Variants in KHDRBS2 observed in about 807,000 individuals in gnomAD.
The protein encoded by KHDRBS2 is KH domain-containing, RNA-binding, signal transduction-associated protein 2.
In KHDRBS2, 26 loss-of-function variants were observed where a neutral mutation model predicts 44.3. That is an observed-to-expected ratio of 0.59 (90% CI 0.43 to 0.81). The LOEUF (loss-of-function observed/expected upper bound fraction) is 0.81, where lower values mean the gene tolerates loss of function less well. Among genes scored for constraint, KHDRBS2 ranks in the 40% least tolerant of loss-of-function variants. The pLI is 0.00. For missense variants in KHDRBS2, 476 were observed against 433.1 expected (o/e 1.10, Z -0.88); for synonymous variants, 194 against 151.1 (o/e 1.28, Z -2.08).
At chr6:61,844,011 G>A (rs1461170582) in intron 6 of KHDRBS2, among the ~76,000 whole-genome samples, 1 of 152,130 alleles carries the variant, frequency 6.6e-6, no homozygotes, top group Admixed American at 6.5e-5. Flanking sequence ...ATTCACATAG[G>A]TTTAAAATCT....
intron 1 of KHDRBS2, among the ~76,000 whole-genome samples, chr6:62,228,400 G>A (rs893609210): frequency 2.0e-5 from 3 of 151,872 alleles, no homozygotes; most frequent in Non-Finnish European, 1.5e-5. Flanking sequence ...GTGTCTATTT[G>A]ATCCTTTTCT....
At chr6:61,930,590 G>A (rs919804249) in intron 4 of KHDRBS2, among the ~76,000 whole-genome samples, 63 of 137,530 alleles carry the variant, frequency 4.6e-4, no homozygotes, top group African/African-American at 1.6e-3. Context: ...CTAGTTACTC[G>A]GGAGGCTGAA....
At chr6:61,817,107 T>C in intron 6 of KHDRBS2, 1 of 370,264 alleles carries the variant, frequency 2.7e-6, no homozygotes, top group Non-Finnish European at 5.5e-6. Context: ...ATTTCTCTAG[T>C]TTTTCTACAA....
At chr6:62,110,181 T>C (rs1222376158) in intron 2 of KHDRBS2, among the ~76,000 whole-genome samples, 1 of 152,052 alleles carries the variant, frequency 6.6e-6, no homozygotes, top group East Asian at 1.9e-4. Flanking sequence ...AATGACTATA[T>C]CAAATACTGG....
intron 6 of KHDRBS2, among the ~76,000 whole-genome samples, chr6:61,738,926 A>T (rs1775772963): frequency 6.6e-6 from 1 of 151,938 alleles, no homozygotes; most frequent in Non-Finnish European, 1.5e-5. Flanking sequence ...GGCATTAAAC[A>T]TAAGAGAAGA....
intron 2 of KHDRBS2, among the ~76,000 whole-genome samples, chr6:62,066,984 C>G (rs187690421): frequency 6.6e-6 from 1 of 151,540 alleles, no homozygotes; most frequent in Admixed American, 6.6e-5. Flanking sequence ...ATTAATTCAG[C>G]AGTGGGAGTA....
At chr6:62,154,808 A>C (rs1044741653) in intron 2 of KHDRBS2, among the ~76,000 whole-genome samples, 1 of 152,202 alleles carries the variant, frequency 6.6e-6, no homozygotes, top group African/African-American at 2.4e-5. Context: ...AATGACACCA[A>C]AAGCTTTTAG....
chr6:61,721,346 T>A (rs1353484401), intron 7 of KHDRBS2, among the ~76,000 whole-genome samples: 1 of 152,106 alleles, frequency 6.6e-6, no homozygotes, highest in Non-Finnish European at 1.5e-5. Flanking sequence ...GGGGGTGGCA[T>A]TGAATCTGTA....
At chr6:62,269,591 T>C (rs1434483090) in intron 1 of KHDRBS2, among the ~76,000 whole-genome samples, 1 of 152,046 alleles carries the variant, frequency 6.6e-6, no homozygotes. Flanking sequence ...ACGTCAAATG[T>C]TGGCAAGGAA....
chr6:61,863,756 C>G (rs1797364384), intron 6 of KHDRBS2, among the ~76,000 whole-genome samples: 1 of 152,094 alleles, frequency 6.6e-6, no homozygotes, highest in Non-Finnish European at 1.5e-5. Flanking sequence ...AATATATATT[C>G]TGTTGTTTCT....
intron 2 of KHDRBS2, among the ~76,000 whole-genome samples, chr6:62,063,012 T>C (rs984177944): frequency 1.8e-4 from 27 of 150,864 alleles, no homozygotes; most frequent in African/African-American, 6.1e-4. Context: ...TCTATGCAAA[T>C]AAACTAGAAA....
intron 1 of KHDRBS2, among the ~76,000 whole-genome samples, chr6:62,248,729 A>G (rs954147071): frequency 2.6e-5 from 4 of 152,118 alleles, no homozygotes; most frequent in African/African-American, 4.8e-5. Flanking sequence ...GGGGAGCTCA[A>G]TTGAATTGTC....
intron 4 of KHDRBS2, among the ~76,000 whole-genome samples, chr6:61,954,577 G>T (rs111209840): frequency 0.32 from 32,562 of 102,736 alleles, 5,324 homozygotes; most frequent in African/African-American, 0.4. Context: ...TACGTATGTA[G>T]ACATATTTAT....
Position 61,889,326 on chromosome 6 carries a change from G to T in KHDRBS2, c.810+5309C>A, listed in dbSNP as rs937095452. On this transcript the variant is annotated intron_variant, in intron 6 of 8. Transcript: ENST00000281156. The stretch of plus-strand genomic sequence containing the variant: ...AGAATTCAGACCTTGAGGTGCTGCT[G>T]TCTGTTTTGAAGTGCCACATCCTGT... 1.1e-4 allele frequency among the ~76,000 whole-genome samples: 17 copies of T among 152,298 alleles called. No homozygotes were observed. The South Asian group carries it at 1.7e-3, about 15-fold the overall frequency.
At chr6:62,114,251 A>C (rs546893939) in intron 2 of KHDRBS2, among the ~76,000 whole-genome samples, 1 of 152,234 alleles carries the variant, frequency 6.6e-6, no homozygotes, top group East Asian at 1.9e-4. Context: ...GAATTAAACA[A>C]GGTGCATAAG....
chr6:62,069,945 C>T (rs1794597075), intron 2 of KHDRBS2, among the ~76,000 whole-genome samples: 1 of 151,588 alleles, frequency 6.6e-6, no homozygotes, highest in South Asian at 2.1e-4. Context: ...GATGGATACC[C>T]TTTCTCTGGA....
intron 6 of KHDRBS2, among the ~76,000 whole-genome samples, chr6:61,773,510 T>C (rs1021848689): frequency 6.6e-6 from 1 of 152,030 alleles, no homozygotes; most frequent in African/African-American, 2.4e-5. Context: ...TCTTGTAAAT[T>C]TGTTTTGAGT....
At chr6:61,658,173 T>G in the KHDRBS2 span, among the ~76,000 whole-genome samples, 1 of 151,864 alleles carries the variant, frequency 6.6e-6, no homozygotes. Context: ...TAGATTTCCT[T>G]ATTATTGATA....
chr6:61,688,436 A>G (rs1451836206), intron 8 of KHDRBS2, among the ~76,000 whole-genome samples: 2 of 151,912 alleles, frequency 1.3e-5, no homozygotes, highest in Non-Finnish European at 2.9e-5. Context: ...AGGAGTTTAT[A>G]ATATGAGGAA....
Sources: gnomAD v4.1 joint callset for allele counts (sites outside exome capture counted in the v4.1 genomes callset) on GRCh38, gnomAD v4.1.1 for gene constraint, MANE v1.5 for transcripts, NCBI Gene and HGNC (gene_info 2026-07-23, HGNC 2026-07-21) for gene names.